The following DCTD variants were observed in gnomAD, a reference collection of about 807,000 sequenced individuals.
DCTD encodes deoxycytidylate deaminase.
A neutral mutation model predicts 21.0 loss-of-function variants in DCTD; 23 were observed. The observed-to-expected ratio is 1.09, with a 90% confidence interval of 0.79 to 1.55. DCTD has a LOEUF of 1.55. DCTD is among the 40% of genes most tolerant of loss of function. The pLI, the probability that DCTD is intolerant of heterozygous loss-of-function variation, is 0.00. For missense variants in DCTD, 224 were observed against 230.0 expected (o/e 0.97, Z 0.17); for synonymous variants, 71 against 81.1 (o/e 0.88, Z 0.67).
In DCTD at chr4:182,897,827, C is replaced by T. The variant is rs554953911; in HGVS notation, c.245-3222G>A. On this transcript the variant is annotated intron_variant, in intron 3 of 5. Transcript: ENST00000438320. Reference sequence around the variant, plus strand: ...CACCTGAGGCCGCAACCCAGCCCTGCCCCCTTCGTAACTCCCAGCTGCCGC... The same window carrying T: ...CACCTGAGGCCGCAACCCAGCCCTGTCCCCTTCGTAACTCCCAGCTGCCGC... Among the ~76,000 whole-genome samples the T allele has an allele frequency of 4.9e-4, 74 of 152,314 alleles. 1 individual carries two copies. In the South Asian group the frequency reaches 0.012, roughly 26 times the overall value.
At chr4:182,915,247 C>T (rs956802303) in intron 2 of DCTD, among the ~76,000 whole-genome samples, 189 bp from the exon 3 acceptor site, 1 of 152,222 alleles carries the variant, frequency 6.6e-6, no homozygotes, top group African/African-American at 2.4e-5. Context: ...AGTGCACCCC[C>T]AGTCCCAGAA....
intron 3 of DCTD, chr4:182,911,243 TA>T (rs1168323346): frequency 1.3e-5 from 2 of 152,194 alleles, no homozygotes; most frequent in African/African-American, 4.8e-5. Flanking sequence ...AGAAGGGCAC[TA>T]ATCCCATTCA....
intron 3 of DCTD, among the ~76,000 whole-genome samples, chr4:182,898,938 A>G (rs1028482134): frequency 1.6e-4 from 25 of 152,194 alleles, no homozygotes; most frequent in African/African-American, 5.8e-4. Flanking sequence ...GTAAGAAGGG[A>G]AGGATAGAGG....
intron 3 of DCTD, among the ~76,000 whole-genome samples, chr4:182,910,513 A>G (rs1168181452): frequency 1.3e-5 from 2 of 152,194 alleles, no homozygotes; most frequent in Non-Finnish European, 2.9e-5. Context: ...ATACTTCATC[A>G]CAGGTTTAGC....
At position 182,893,061 on chromosome 4, in the gene DCTD, A is replaced by AGCCTC; in HGVS notation, c.423_427dup (p.Leu143ArgfsTer10). ...TGTCACCCCGGCCATATTAAACAGG[A>AGCCTC]GCCTCGCAGCAGTTGCCTCGTCACT... On this transcript the variant is annotated frameshift_variant, in exon 5 of 6. Transcript: ENST00000438320. LOFTEE classifies it high-confidence loss of function. The AGCCTC allele has an allele frequency of 1.9e-6, 3 of 1,612,892 alleles. No individual in the cohort carries two copies. The highest frequency in any genetic ancestry group is 2.5e-6 in the Non-Finnish European group (3 of 1,179,290).
intron 3 of DCTD, among the ~76,000 whole-genome samples, chr4:182,905,964 C>A (rs1174368081): frequency 2.0e-5 from 3 of 152,120 alleles, no homozygotes; most frequent in Non-Finnish European, 4.4e-5. Flanking sequence ...CCTCTTCCAC[C>A]CTTTATCACG....
chr4:182,895,524 A>C (rs1734586804), intron 3 of DCTD, among the ~76,000 whole-genome samples: 1 of 152,074 alleles, frequency 6.6e-6, no homozygotes, highest in Admixed American at 6.5e-5. Context: ...CCTCTCTCGA[A>C]CCTGGCAAAG....
At chr4:182,903,966 G>A (rs1736203709) in intron 3 of DCTD, among the ~76,000 whole-genome samples, 1 of 152,206 alleles carries the variant, frequency 6.6e-6, no homozygotes, top group Non-Finnish European at 1.5e-5. Context: ...CTTGCTACAT[G>A]TGAGTGCTTC....
At chr4:182,901,389 T>C (rs766034283) in intron 3 of DCTD, among the ~76,000 whole-genome samples, 3 of 152,190 alleles carry the variant, frequency 2.0e-5, no homozygotes, top group Non-Finnish European at 4.4e-5. Flanking sequence ...AAATCCCTCA[T>C]TTTTAGTGAC....
chr4:182,913,409 C>G (rs1409173905), intron 3 of DCTD, among the ~76,000 whole-genome samples: 1 of 152,248 alleles, frequency 6.6e-6, no homozygotes, highest in Admixed American at 6.5e-5. Flanking sequence ...TCCTCTCTCT[C>G]CAGGTACCTC....
At position 182,902,431 on chromosome 4, in the gene DCTD, T is replaced by C. The variant is rs1579713336; in HGVS notation, c.245-7826A>G. ...TGGAACTGGGGAAGGGAGCACCATA[T>C]AGAAATCAACAGATATCACTTCTCT... On this transcript the variant is annotated intron_variant, in intron 3 of 5. Coordinates refer to ENST00000438320, the MANE Select transcript of DCTD (RefSeq NM_001921.3). 2.0e-5 allele frequency among the ~76,000 whole-genome samples: 3 copies of C among 152,314 alleles called. No individual in the cohort carries two copies. The South Asian group carries it at 6.2e-4, about 32-fold the overall frequency.
intron 3 of DCTD, among the ~76,000 whole-genome samples, chr4:182,897,261 C>T (rs1364228774): frequency 6.6e-6 from 1 of 151,550 alleles, no homozygotes; most frequent in Non-Finnish European, 1.5e-5. Context: ...ACCAAAAAAT[C>T]ACAAGATGAA....
chr4:182,917,354 C>G lies in DCTD; in HGVS notation c.-51G>C. The G allele has an allele frequency of 9.1e-7, 1 of 1,094,374 alleles. No homozygotes were observed. The highest frequency in any genetic ancestry group is 1.1e-6 in the Non-Finnish European group (1 of 900,848). 67.8% of individuals were successfully genotyped at this position (1,094,374 alleles called of 1,614,324 possible). A position where few individuals can be genotyped will look rare whatever the true frequency, so the allele number is the denominator to read the frequency against. ...CGCGCAGGCCGGTGCTCGTCCCCGCCGCCGCCGTGCTCAGGGAAGGAAGTC... is the reference window on the plus strand; with the variant it reads ...CGCGCAGGCCGGTGCTCGTCCCCGCGGCCGCCGTGCTCAGGGAAGGAAGTC... On this transcript the variant is annotated 5_prime_UTR_variant, in exon 1 of 6. Transcript: ENST00000438320. This position sits in a 1 kb window ranked among gnomAD's most constrained non-coding sequence, Gnocchi z 4.9.
At chr4:182,916,142 A>G (rs559487060) in intron 1 of DCTD, 145 of 163,304 alleles carry the variant, frequency 8.9e-4, no homozygotes, top group Admixed American at 2.2e-3. Flanking sequence ...TCTGATATTA[A>G]CCAGATAATT....
At chr4:182,895,373 G>A (rs1402257979) in intron 3 of DCTD, among the ~76,000 whole-genome samples, 1 of 152,194 alleles carries the variant, frequency 6.6e-6, no homozygotes, top group Non-Finnish European at 1.5e-5. Flanking sequence ...GCCCAGCCCA[G>A]TCTGTCTTTT....
chr4:182,914,676 C>T (rs1204799548), intron 3 of DCTD, among the ~76,000 whole-genome samples: 2 of 152,222 alleles, frequency 1.3e-5, no homozygotes, highest in Admixed American at 1.3e-4. Context: ...GTGAAGCCTG[C>T]CAGGCTCAGC....
intron 3 of DCTD, among the ~76,000 whole-genome samples, chr4:182,905,351 A>G (rs1478944793): frequency 8.2e-5 from 11 of 134,500 alleles, no homozygotes; most frequent in African/African-American, 2.5e-4. Context: ...TTTTTTTTAG[A>G]CAAAGTCTCA....
At chr4:182,893,725 C>T (rs188059932) in intron 4 of DCTD, among the ~76,000 whole-genome samples, 301 of 152,224 alleles carry the variant, frequency 2.0e-3, no homozygotes, top group Admixed American at 3.7e-3. Context: ...GGCCTGCCAC[C>T]GCCTCCACAC....
rs1250979154 is a variant in DCTD, at chr4:182,894,521, C to G, written c.329G>C (p.Cys110Ser). The change falls in exon 4 of 6, where the codon TGT (cysteine) becomes TCT (serine). Residue 110 changes from cysteine (C) to serine (S), a missense_variant. By Grantham distance (112) the Cys-to-Ser change is moderately radical. Coordinates refer to ENST00000438320, the MANE Select transcript of DCTD (RefSeq NM_001921.3). Reference sequence around the variant, plus strand: ...GATGATGAGCTTAGCGCATTCATTACAAGGGAACAAGGCAACATACATACT... The same window carrying G: ...GATGATGAGCTTAGCGCATTCATTAGAAGGGAACAAGGCAACATACATACT... ...GCSMYVALFP[C>S]NECAKLIIQA... The G allele has an allele frequency of 6.2e-7, 1 of 1,613,860 alleles. No individual in the cohort carries two copies. The highest frequency in any genetic ancestry group is 2.2e-5 in the East Asian group (1 of 44,886).
Sources: allele counts gnomAD v4.1 joint callset (sites outside exome capture counted in the v4.1 genomes callset), GRCh38; gene constraint gnomAD v4.1.1; non-coding constraint Gnocchi (gnomAD v3.1); transcripts MANE v1.5; gene names NCBI Gene and HGNC (gene_info 2026-07-23, HGNC 2026-07-21).